RALGAPA1: variants seen among roughly 807,000 people sequenced by gnomAD.
The protein encoded by RALGAPA1 is Ral GTPase activating protein catalytic subunit alpha 1.
Under a neutral mutation model 269.6 loss-of-function variants are expected in RALGAPA1, and 52 were observed. That is an observed-to-expected ratio of 0.19 (90% confidence interval 0.15 to 0.24). RALGAPA1 has a LOEUF of 0.24. Among genes scored for constraint, RALGAPA1 ranks in the 10% least tolerant of loss-of-function variants. The pLI is 1.00. For missense variants in RALGAPA1, 1,917 were observed against 3,013.9 expected (o/e 0.64, Z 8.52); for synonymous variants, 817 against 1,008.3 (o/e 0.81, Z 3.60).
chr14:35,638,840 C>T (rs1219276701), intron 31 of RALGAPA1, among the ~76,000 whole-genome samples: 1 of 151,860 alleles, frequency 6.6e-6, no homozygotes, highest in African/African-American at 2.4e-5. Flanking sequence ...GCAGGTGAAT[C>T]GTTTGAACCC....
At chr14:35,691,340 A>C (rs895031609) in intron 17 of RALGAPA1, among the ~76,000 whole-genome samples, 1 of 152,120 alleles carries the variant, frequency 6.6e-6, no homozygotes, top group African/African-American at 2.4e-5. Context: ...TACAATGTCT[A>C]TGAATCCATC....
At chr14:35,725,281 T>C in intron 13 of RALGAPA1, 128 bp from the exon 14 acceptor site, 1 of 543,572 alleles carries the variant, frequency 1.8e-6, no homozygotes, top group Non-Finnish European at 3.0e-6. Flanking sequence ...CAATTTCAAA[T>C]GTTTAGAGTT....
chr14:35,721,514 A>G (rs1277798960), intron 16 of RALGAPA1, among the ~76,000 whole-genome samples, 174 bp downstream of exon 16: 3 of 152,222 alleles, frequency 2.0e-5, no homozygotes, highest in South Asian at 2.1e-4. Flanking sequence ...GCATAAAGGG[A>G]TAACAGCCTA....
intron 11 of RALGAPA1, among the ~76,000 whole-genome samples, chr14:35,741,612 C>T (rs948360068): frequency 3.9e-5 from 6 of 152,150 alleles, no homozygotes; most frequent in Non-Finnish European, 8.8e-5. Flanking sequence ...TCATTCCTAT[C>T]TAGATTTAGC....
At chr14:35,769,325 T>TC (rs2074447398) in intron 4 of RALGAPA1, among the ~76,000 whole-genome samples, 1 of 151,968 alleles carries the variant, frequency 6.6e-6, no homozygotes, top group Non-Finnish European at 1.5e-5. Flanking sequence ...TGGAGGCCAT[T>TC]ATTCTAAAGC....
At chr14:35,557,774 T>C (rs2055769248) in intron 39 of RALGAPA1, among the ~76,000 whole-genome samples, 1 of 152,144 alleles carries the variant, frequency 6.6e-6, no homozygotes, top group Non-Finnish European at 1.5e-5. Flanking sequence ...GCATTTGAAT[T>C]TCCCCAAATC....
chr14:35,782,371 T>G (rs578185262), intron 1 of RALGAPA1, among the ~76,000 whole-genome samples: 1 of 152,236 alleles, frequency 6.6e-6, no homozygotes, highest in Non-Finnish European at 1.5e-5. Context: ...TGAATGCTGT[T>G]AAGATAGCAA....
chr14:35,560,955 C>T (rs941495149), intron 39 of RALGAPA1, among the ~76,000 whole-genome samples: 4 of 152,148 alleles, frequency 2.6e-5, no homozygotes, highest in South Asian at 2.1e-4. Context: ...CATCGCAGGG[C>T]GTGGTGGCTC....
chr14:35,735,137 A>G (rs1406639593), intron 12 of RALGAPA1, among the ~76,000 whole-genome samples: 1 of 152,158 alleles, frequency 6.6e-6, no homozygotes, highest in Non-Finnish European at 1.5e-5. Flanking sequence ...TACAGCCACT[A>G]TGGAAAATGG....
At chr14:35,710,067 T>C (rs1270977751) in intron 16 of RALGAPA1, among the ~76,000 whole-genome samples, 3 of 152,212 alleles carry the variant, frequency 2.0e-5, no homozygotes, top group African/African-American at 7.2e-5. Flanking sequence ...TGCTATTCAC[T>C]TCATTTATGT....
At chr14:35,600,863 TATG>T (rs1418447666) in intron 36 of RALGAPA1, among the ~76,000 whole-genome samples, 1 of 152,212 alleles carries the variant, frequency 6.6e-6, no homozygotes, top group African/African-American at 2.4e-5. Flanking sequence ...TGGTTCTGGA[TATG>T]ATGTGTAATT....
intron 27 of RALGAPA1, among the ~76,000 whole-genome samples, chr14:35,660,142 T>C (rs2063444115): frequency 6.6e-6 from 1 of 152,082 alleles, no homozygotes; most frequent in Admixed American, 6.6e-5. Context: ...TCGCCACTTC[T>C]ATTCAACATA....
intron 35 of RALGAPA1, among the ~76,000 whole-genome samples, chr14:35,620,613 C>G (rs1446951915): frequency 6.6e-6 from 1 of 152,058 alleles, no homozygotes; most frequent in East Asian, 1.9e-4. Flanking sequence ...TTAGAAAACC[C>G]CATCGTCTCA....
chr14:35,700,306 T>TA lies in RALGAPA1; in HGVS notation c.2267-5dup. 6.7e-7 allele frequency: 1 copy of TA among 1,502,608 alleles called. No homozygotes were observed. The highest frequency in any genetic ancestry group is 2.4e-5 in the Admixed American group (1 of 41,988). The allele number at this position is 1,502,608 out of a possible 1,614,324, so 93.1% of individuals were successfully genotyped here. A position where few individuals can be genotyped will look rare whatever the true frequency, so the allele number is the denominator to read the frequency against. On this transcript the variant is annotated splice_polypyrimidine_tract_variant and splice_region_variant and intron_variant, in intron 16 of 41. Coordinates refer to ENST00000680220, the MANE Select transcript of RALGAPA1 (RefSeq NM_001346249.2). The stretch of plus-strand genomic sequence containing the variant: ...CCAATGGATCGGCTTCTCATGGCTT[T>TA]AAAAAAGGAAAAGAAAGAAGTGGGG...
At chr14:35,612,822 G>C (rs1489198943) in intron 35 of RALGAPA1, among the ~76,000 whole-genome samples, 1 of 152,006 alleles carries the variant, frequency 6.6e-6, no homozygotes, top group Non-Finnish European at 1.5e-5. Flanking sequence ...ACAGGTGTGA[G>C]CCACCGTGCC....
intron 16 of RALGAPA1, among the ~76,000 whole-genome samples, chr14:35,702,133 C>T (rs2067405109): frequency 6.6e-6 from 1 of 152,190 alleles, no homozygotes; most frequent in African/African-American, 2.4e-5. Flanking sequence ...TGAATCCCTA[C>T]TCCCTACCAC....
intron 39 of RALGAPA1, among the ~76,000 whole-genome samples, chr14:35,550,335 T>TAAG (rs1449982482): frequency 6.6e-6 from 1 of 152,200 alleles, no homozygotes; most frequent in African/African-American, 2.4e-5. Context: ...AGGCTTTACA[T>TAAG]AAGACATTTA....
At chr14:35,632,072 G>A (rs756322453) in intron 33 of RALGAPA1, among the ~76,000 whole-genome samples, 1 of 152,236 alleles carries the variant, frequency 6.6e-6, no homozygotes, top group South Asian at 2.1e-4. Context: ...TGTAGGTAAA[G>A]CATTTTCTGC....
intron 12 of RALGAPA1, among the ~76,000 whole-genome samples, chr14:35,735,522 G>C (rs907653373): frequency 2.0e-5 from 3 of 152,066 alleles, no homozygotes; most frequent in Non-Finnish European, 4.4e-5. Flanking sequence ...GGACACAAAG[G>C]CATGAGAATG....
Sources: gnomAD v4.1 joint callset for allele counts (sites outside exome capture counted in the v4.1 genomes callset) on GRCh38, gnomAD v4.1.1 for gene constraint, MANE v1.5 for transcripts, NCBI Gene and HGNC (gene_info 2026-07-23, HGNC 2026-07-21) for gene names.